ALPK3: variants seen among roughly 807,000 people sequenced by gnomAD.
ALPK3 encodes alpha kinase 3.
ALPK3 carries 102 observed loss-of-function variants against 140.0 expected under a neutral mutation model. The observed-to-expected ratio is 0.73, with a 90% CI of 0.62 to 0.86. The LOEUF is 0.86. Ranked by LOEUF, ALPK3 falls within the 40% of genes least tolerant of loss-of-function variation. The pLI, the probability that ALPK3 is intolerant of heterozygous loss-of-function variation, is 0.00. For missense variants in ALPK3, 2,254 were observed against 2,208.2 expected, an observed-to-expected ratio of 1.02 and a Z score of -0.42; for synonymous variants, 938 against 898.5, an observed-to-expected ratio of 1.04 and a Z score of -0.79.
At chr15:84,842,830 A>G (rs1042060726) in intron 5 of ALPK3, among the ~76,000 whole-genome samples, 1 of 152,078 alleles carries the variant, frequency 6.6e-6, no homozygotes, top group South Asian at 2.1e-4. Flanking sequence ...AGTTTTGGCC[A>G]CTGGAATGGT....
intron 11 of ALPK3, 125 bp downstream of exon 11, chr15:84,863,765 C>A: frequency 1.1e-6 from 1 of 878,124 alleles, no homozygotes; most frequent in Non-Finnish European, 1.7e-6. Context: ...AGGCTCACAG[C>A]CCCATGCTCA....
In ALPK3 at chr15:84,839,154, G is replaced by C. The variant is rs1318777834; in HGVS notation, c.422+57G>C. On this transcript the variant is annotated intron_variant, in intron 4 of 13. Transcript: ENST00000258888. Reference sequence around the variant, plus strand: ...GCCCTCCCGAGGGCCCTCTGGCTGGGGTCCTGCCCTCAGAAATGGAGCAGT... The same window carrying C: ...GCCCTCCCGAGGGCCCTCTGGCTGGCGTCCTGCCCTCAGAAATGGAGCAGT... 14 of 1,431,442 alleles carry C rather than the reference G, an allele frequency of 9.8e-6. No individual in the cohort carries two copies. In the East Asian group the frequency reaches 3.4e-4, roughly 35 times the overall value. 88.7% of individuals were successfully genotyped at this position (1,431,442 alleles called of 1,614,324 possible).
intron 4 of ALPK3, 43 bp downstream of exon 4, chr15:84,839,140 G>A: frequency 6.6e-7 from 1 of 1,523,160 alleles, no homozygotes; most frequent in Non-Finnish European, 9.0e-7. Context: ...CCCTCCCGAG[G>A]GCCCTCTGGC....
intron 2 of ALPK3, 38 bp downstream of exon 2, chr15:84,823,406 T>C (rs758798413): frequency 1.4e-5 from 23 of 1,612,728 alleles, no homozygotes; most frequent in Non-Finnish European, 2.0e-5. Flanking sequence ...TGACTGCTTT[T>C]TCCTTGGGTC....
chr15:84,833,957 TTGTGTGTGTG>T (rs71453270), intron 3 of ALPK3, among the ~76,000 whole-genome samples: 8 of 147,226 alleles, frequency 5.4e-5, no homozygotes, highest in South Asian at 2.2e-4. Flanking sequence ...AGATTCTGTG[TTGTGTGTGTG>T]TGTGTGTGTG....
At position 84,817,977 on chromosome 15, in the gene ALPK3, G is replaced by C. The variant is rs145816255; in HGVS notation, c.143+382G>C. 2.0e-5 allele frequency among the ~76,000 whole-genome samples: 3 copies of C among 152,332 alleles called. No individual in the cohort carries two copies. The South Asian group carries it at 6.2e-4, about 32-fold the overall frequency. ...GAAATTCCTCCCTGGCAGGAAGGGA[G>C]GGGGAGAGCACTGGTGGGGACAGGG... On this transcript the variant is annotated intron_variant, in intron 1 of 13. Transcript: ENST00000258888.
At chr15:84,818,413 A>G (rs8039472) in intron 1 of ALPK3, among the ~76,000 whole-genome samples, 93,275 of 152,088 alleles carry the variant, frequency 0.61, 29,684 homozygotes, top group East Asian at 0.81. Context: ...GGACAGGCGC[A>G]TTGCCATGGA....
At chr15:84,864,956 A>G (rs890204517) in intron 12 of ALPK3, among the ~76,000 whole-genome samples, 4 of 152,162 alleles carry the variant, frequency 2.6e-5, no homozygotes, top group Non-Finnish European at 5.9e-5. Flanking sequence ...CATGGGGTCT[A>G]ATTCAAAACC....
At position 84,871,027 on chromosome 15, in the gene ALPK3, A is replaced by G. The variant is rs1964064798; in HGVS notation, c.*2571A>G. 6.6e-6 allele frequency: 1 copy of G among 152,574 alleles called. No individual in the cohort carries two copies. The highest frequency in any genetic ancestry group is 2.1e-4 in the South Asian group (1 of 4,826). 9.5% of individuals were successfully genotyped at this position (152,574 alleles called of 1,614,324 possible). A position where few individuals can be genotyped will look rare whatever the true frequency, so the allele number is the denominator to read the frequency against. On this transcript the variant is annotated 3_prime_UTR_variant, in exon 14 of 14. Transcript: ENST00000258888. The stretch of plus-strand genomic sequence containing the variant: ...CCAAAGTCCAGTGTCATTAGGGATA[A>G]TCTCCCTCTTTCAGTTTTATCACAA...
intron 5 of ALPK3, among the ~76,000 whole-genome samples, chr15:84,850,879 T>TACACACACACACACACACACACAC: frequency 7.0e-6 from 1 of 142,472 alleles, no homozygotes; most frequent in East Asian, 2.0e-4. Context: ...GTTCCAGATA[T>TACACACACACACACACACACACAC]ACACACACAC....
intron 12 of ALPK3, among the ~76,000 whole-genome samples, chr15:84,867,113 G>A (rs1225181325): frequency 6.6e-6 from 1 of 151,846 alleles, no homozygotes; most frequent in Admixed American, 6.5e-5. Flanking sequence ...ACAGGCTGGT[G>A]GTGATGACCC....
intron 1 of ALPK3, among the ~76,000 whole-genome samples, chr15:84,821,594 G>A (rs943888293): frequency 1.2e-4 from 18 of 152,076 alleles, no homozygotes; most frequent in African/African-American, 1.9e-4. Context: ...ACTCTAGCAC[G>A]CTCCTTTCCA....
In ALPK3 at chr15:84,839,775, G is replaced by A; in HGVS notation, c.496G>A (p.Val166Ile). ...CAAGGGCATTGTGTCCTGCTCAGGGGTCCTGGAGGTGGGCACCATGACTGA... is the reference window on the plus strand; with the variant it reads ...CAAGGGCATTGTGTCCTGCTCAGGGATCCTGGAGGTGGGCACCATGACTGA... ...NSKGIVSCSGVLEVGTMTEYK... is the reference protein window; with the variant it reads ...NSKGIVSCSGILEVGTMTEYK... The change falls in exon 5 of 14, where the codon GTC becomes ATC. Residue 166 changes from valine (V) to isoleucine (I), a missense_variant. By Grantham distance (29) the Val-to-Ile change is conservative. Transcript: ENST00000258888. 1 of 1,614,160 alleles carries A rather than the reference G, an allele frequency of 6.2e-7. No homozygotes were observed. The highest frequency in any genetic ancestry group is 8.5e-7 in the Non-Finnish European group (1 of 1,180,024).
At chr15:84,861,645 T>G (rs1166752382) in intron 9 of ALPK3, among the ~76,000 whole-genome samples, 4 of 152,236 alleles carry the variant, frequency 2.6e-5, no homozygotes, top group Non-Finnish European at 5.9e-5. Flanking sequence ...TTTGGTCTTT[T>G]CTTCTTCATT....
chr15:84,839,145 T>G (rs1963628003), intron 4 of ALPK3, 48 bp downstream of exon 4: 1 of 1,470,408 alleles, frequency 6.8e-7, no homozygotes, highest in African/African-American at 1.4e-5. Context: ...CCGAGGGCCC[T>G]CTGGCTGGGG....
At chr15:84,853,414 A>G (rs372763014) in intron 5 of ALPK3, among the ~76,000 whole-genome samples, 4 of 152,134 alleles carry the variant, frequency 2.6e-5, no homozygotes, top group Non-Finnish European at 5.9e-5. Context: ...GGAGTTCAAG[A>G]CCAGCCTGGC....
chr15:84,848,220 C>A (rs1963758988), intron 5 of ALPK3, among the ~76,000 whole-genome samples: 1 of 150,060 alleles, frequency 6.7e-6, no homozygotes, highest in African/African-American at 2.5e-5. Flanking sequence ...ATCTTGATTT[C>A]TTTAAAATAT....
rs201817336 is a variant in ALPK3, at chr15:84,857,677, G to A, written c.2939G>A (p.Gly980Glu). ...LSSTETSGAGGESQVGAATGG... is the reference protein window; with the variant it reads ...LSSTETSGAGEESQVGAATGG... ...AGCACAGAGACAAGTGGAGCAGGGG[G>A]AGAGTCCCAGGTGGGGGCAGCCACC... is the stretch of plus-strand genomic sequence containing the variant. Residue 980 changes from glycine to glutamate, a missense_variant, in exon 6 of 14, where the codon GGA becomes GAA. Gly to Glu is a moderately conservative substitution (Grantham distance 98, BLOSUM62 -2). Coordinates refer to ENST00000258888, the MANE Select transcript of ALPK3 (RefSeq NM_020778.5). 2 of 1,608,090 alleles carry A rather than the reference G, an allele frequency of 1.2e-6. No homozygotes were observed. The highest frequency in any genetic ancestry group is 1.7e-5 in the Admixed American group (1 of 59,840).
rs1231064184 is a variant in ALPK3, at chr15:84,857,007, G to A, written c.2269G>A (p.Val757Ile). The change falls in exon 6 of 14, where the codon GTA (valine) becomes ATA (isoleucine). Residue 757 changes from valine (V) to isoleucine (I), a missense_variant. By Grantham distance (29) the Val-to-Ile change is conservative (BLOSUM62 3). This residue lies in a region of ALPK3 where 2,088 missense variants were observed against 2,022.9 expected (regional missense o/e 1.03). Coordinates refer to ENST00000258888, the MANE Select transcript of ALPK3 (RefSeq NM_020778.5). ...AGCTCCTCTGAATATTGAATGTTTT[G>A]TACAGACCCCAGAAGGGTCTTGTTT... ...PRAPLNIECF[V>I]QTPEGSCFPK... 1.4e-5 allele frequency: 23 copies of A among 1,614,018 alleles called. No homozygotes were observed. The highest frequency in any genetic ancestry group is 1.9e-5 in the Non-Finnish European group (22 of 1,180,040).
Sources: allele counts gnomAD v4.1 joint callset (sites outside exome capture counted in the v4.1 genomes callset), GRCh38; gene constraint gnomAD v4.1.1; regional missense constraint gnomAD v4.1.1; transcripts MANE v1.5; gene names NCBI Gene and HGNC (gene_info 2026-07-23, HGNC 2026-07-21).